Variants in GDPD1 observed in about 807,000 individuals in gnomAD.
The protein encoded by GDPD1 is lysophospholipase D GDPD1.
In GDPD1, 28 loss-of-function variants were observed where a neutral mutation model predicts 45.1. That is an observed-to-expected ratio of 0.62 (90% CI 0.46 to 0.85). The LOEUF (loss-of-function observed/expected upper bound fraction) is 0.85. Among genes scored for constraint, GDPD1 ranks in the 40% least tolerant of loss-of-function variants. GDPD1 has a pLI of 0.00. For synonymous variants in GDPD1, 139 were observed against 131.4 expected, an observed-to-expected ratio of 1.06 and a Z score of -0.40; for missense variants, 256 against 364.8, an observed-to-expected ratio of 0.70 and a Z score of 2.43.
chr17:59,238,094 C>A (rs2047147549), intron 2 of GDPD1, among the ~76,000 whole-genome samples: 1 of 150,698 alleles, frequency 6.6e-6, no homozygotes, highest in Non-Finnish European at 1.5e-5. Flanking sequence ...CACGGAGAAA[C>A]CCCATCTCTA....
chr17:59,222,399 G>A (rs1037287287), intron 1 of GDPD1, among the ~76,000 whole-genome samples: 10 of 150,798 alleles, frequency 6.6e-5, no homozygotes, highest in African/African-American at 1.7e-4. Flanking sequence ...GTAGAGACGG[G>A]GTTTCACTGT....
chr17:59,275,135 C>T lies in GDPD1; in HGVS notation c.*1362C>T, dbSNP rs1036777032. ...GGGATTACAGGTTTGAACCACTGCACCCGGCCAGTAAAAGAAATTTTGAAG... is the reference window on the plus strand; with the variant it reads ...GGGATTACAGGTTTGAACCACTGCATCCGGCCAGTAAAAGAAATTTTGAAG... On this transcript the variant is annotated 3_prime_UTR_variant, in exon 10 of 10. Transcript: ENST00000284116. 3.0e-5 allele frequency: 46 copies of T among 1,535,578 alleles called. No individual in the cohort carries two copies. Among genetic ancestry groups the T allele is most frequent in the Non-Finnish European group, 3.7e-5 (42 of 1,145,802 alleles).
chr17:59,272,733 A>C, intron 8 of GDPD1, 52 bp from the exon 9 acceptor site: 1 of 1,041,168 alleles, frequency 9.6e-7, no homozygotes. Context: ...AAATTGACTA[A>C]ATTAGGACTA....
rs368536777 is a variant in GDPD1 at position 59,220,929 on chromosome 17, G to A, written c.142+178G>A. On this transcript the variant is annotated intron_variant, in intron 1 of 9. Coordinates refer to ENST00000284116, the MANE Select transcript of GDPD1 (RefSeq NM_182569.4). Reference sequence around the variant, plus strand: ...GAAGGGAAGGTCTCCTGAGGGGAGGGAAGGAGAGGGATTCCCGGTCAGAGC... The same window carrying A: ...GAAGGGAAGGTCTCCTGAGGGGAGGAAAGGAGAGGGATTCCCGGTCAGAGC... Among the ~76,000 whole-genome samples, 195 of 152,252 alleles carry A rather than the reference G, an allele frequency of 1.3e-3. 1 individual carries two copies. The highest frequency in any genetic ancestry group is 2.5e-3 in the Non-Finnish European group (170 of 68,016).
chr17:59,250,391 C>T (rs2047243669), intron 4 of GDPD1, among the ~76,000 whole-genome samples: 2 of 151,942 alleles, frequency 1.3e-5, no homozygotes, highest in South Asian at 2.1e-4. Flanking sequence ...GAGGCCAAGG[C>T]GGGAGGGTTG....
intron 1 of GDPD1, among the ~76,000 whole-genome samples, chr17:59,228,717 T>TAA (rs879663634): frequency 7.1e-6 from 1 of 141,018 alleles, no homozygotes. Flanking sequence ...ACCCTGTCTC[T>TAA]AAAAAAAAAA....
At chr17:59,268,532 T>C (rs2047416673) in intron 7 of GDPD1, among the ~76,000 whole-genome samples, 1 of 137,940 alleles carries the variant, frequency 7.2e-6, no homozygotes, top group South Asian at 2.2e-4. Flanking sequence ...TGAGCGGAGA[T>C]TGCGCCACTG....
chr17:59,253,528 A>G (rs543933966), intron 4 of GDPD1, among the ~76,000 whole-genome samples: 90 of 152,178 alleles, frequency 5.9e-4, no homozygotes, highest in African/African-American at 1.9e-3. Flanking sequence ...TTACATCACT[A>G]TAGCACTTTT....
At chr17:59,262,550 A>AC (rs1597988411) in intron 6 of GDPD1, among the ~76,000 whole-genome samples, 1 of 152,062 alleles carries the variant, frequency 6.6e-6, no homozygotes, top group East Asian at 1.9e-4. Context: ...GGGGACAGGG[A>AC]CTTAGGGTAG....
At chr17:59,235,360 T>G (rs2047123632) in intron 2 of GDPD1, among the ~76,000 whole-genome samples, 1 of 152,172 alleles carries the variant, frequency 6.6e-6, no homozygotes. Flanking sequence ...AAAGACACCT[T>G]AGAGATTATT....
intron 1 of GDPD1, among the ~76,000 whole-genome samples, chr17:59,222,476 A>C (rs1255152863): frequency 7.3e-6 from 1 of 136,730 alleles, no homozygotes; most frequent in East Asian, 2.1e-4. Flanking sequence ...AAAGTGCTGG[A>C]ATTACAGGCG....
At position 59,267,728 on chromosome 17, in the gene GDPD1, G is replaced by C. The variant is rs2047409759; in HGVS notation, c.710+554G>C. Among the ~76,000 whole-genome samples the C allele has an allele frequency of 2.0e-5, 3 of 151,170 alleles. No individual in the cohort carries two copies. The Admixed American group carries it at 2.0e-4, about 10-fold the overall frequency. On this transcript the variant is annotated intron_variant, in intron 7 of 9. Transcript: ENST00000284116. ...GTTGTGGCCTAGGCTGGGGTGCAAAGGTGTGATCTCGACTCACTGCAACCT... is the reference window on the plus strand; with the variant it reads ...GTTGTGGCCTAGGCTGGGGTGCAAACGTGTGATCTCGACTCACTGCAACCT...
At chr17:59,245,014 A>G (rs1227990248) in intron 2 of GDPD1, among the ~76,000 whole-genome samples, 2 of 152,148 alleles carry the variant, frequency 1.3e-5, no homozygotes, top group East Asian at 3.9e-4. Flanking sequence ...AAAATAAATA[A>G]AAATAAAAAC....
intron 9 of GDPD1, chr17:59,273,075 T>TTG (rs925776396): frequency 5.0e-5 from 26 of 520,982 alleles, no homozygotes; most frequent in African/African-American, 4.3e-4. Flanking sequence ...GGGACAGTGT[T>TTG]TGTGTGTGTG....
At chr17:59,261,113 G>T (rs1209171067) in intron 6 of GDPD1, among the ~76,000 whole-genome samples, 3 of 152,112 alleles carry the variant, frequency 2.0e-5, no homozygotes, top group Non-Finnish European at 4.4e-5. Flanking sequence ...TTGCAGGTGC[G>T]TGCTGCCATG....
chr17:59,245,245 A>T (rs2047201482), intron 2 of GDPD1, among the ~76,000 whole-genome samples, 169 bp from the exon 3 acceptor site: 1 of 152,200 alleles, frequency 6.6e-6, no homozygotes, highest in Non-Finnish European at 1.5e-5. Context: ...TTTTATTCTC[A>T]GTTCATTTAG....
chr17:59,248,626 A>G (rs1349790778), intron 3 of GDPD1, 114 bp from the exon 4 acceptor site: 12 of 696,226 alleles, frequency 1.7e-5, no homozygotes, highest in Non-Finnish European at 2.9e-5. Context: ...TGCCTAGTAA[A>G]GTGTTTTAGT....
chr17:59,227,729 T>A (rs2047058509), intron 1 of GDPD1, among the ~76,000 whole-genome samples: 1 of 152,158 alleles, frequency 6.6e-6, no homozygotes, highest in South Asian at 2.1e-4. Context: ...AAATACACAA[T>A]TTTTACATAC....
At chr17:59,236,691 A>G (rs2047134483) in intron 2 of GDPD1, among the ~76,000 whole-genome samples, 1 of 152,024 alleles carries the variant, frequency 6.6e-6, no homozygotes, top group Admixed American at 6.6e-5. Context: ...TATTTTTTTA[A>G]TAGAGACAAG....
Sources: gnomAD v4.1 joint callset for allele counts (sites outside exome capture counted in the v4.1 genomes callset) on GRCh38, gnomAD v4.1.1 for gene constraint, MANE v1.5 for transcripts, NCBI Gene and HGNC (gene_info 2026-07-23, HGNC 2026-07-21) for gene names.